PCDH11X: variants seen among roughly 807,000 people sequenced by gnomAD.
PCDH11X encodes protocadherin 11 X-linked, also known as protocadherin-11 X-linked.
Under a neutral mutation model 53.3 loss-of-function variants are expected in PCDH11X, and 18 were observed. The observed-to-expected ratio is 0.34, with a 90% CI of 0.23 to 0.50. The LOEUF (loss-of-function observed/expected upper bound fraction) is 0.50. Among genes scored for constraint, PCDH11X ranks in the 20% least tolerant of loss-of-function variants. PCDH11X has a pLI of 0.98. For synonymous variants in PCDH11X, 279 were observed against 393.3 expected (o/e 0.71, Z 3.44); for missense variants, 570 against 1,032.4 (o/e 0.55, Z 6.14).
At chrX:92,279,672 C>G (rs2068203982) in intron 8 of PCDH11X, among the ~76,000 whole-genome samples, 2 of 112,131 alleles carry the variant, frequency 1.8e-5, no homozygotes, top group African/African-American at 6.5e-5. Context: ...TTTTACTTGC[C>G]AATATATTTA....
intron 10 of PCDH11X, among the ~76,000 whole-genome samples, chrX:92,611,676 CT>C (rs1306295973): frequency 1.9e-5 from 2 of 102,831 alleles, no homozygotes; most frequent in Admixed American, 2.2e-4. Flanking sequence ...CAAAAGAATG[CT>C]TCTAGTTTTT....
chrX:92,132,119 A>C (rs1223184741), intron 6 of PCDH11X, among the ~76,000 whole-genome samples: 2 of 93,735 alleles, frequency 2.1e-5, no homozygotes, highest in African/African-American at 7.7e-5. Context: ...TAAAAATACA[A>C]AAAAAAAAAA....
In PCDH11X at chrX:92,501,878, G is replaced by A. The variant is rs1195578076; in HGVS notation, c.3367+33556G>A. ...TGGAAGTTCTGGCCAGGGCAATCAGGCAAGAGAAAGAGATAAAGAGTATTC... is the reference window on the plus strand; with the variant it reads ...TGGAAGTTCTGGCCAGGGCAATCAGACAAGAGAAAGAGATAAAGAGTATTC... On this transcript the variant is annotated intron_variant, in intron 10 of 10. Coordinates refer to ENST00000682573, the MANE Select transcript of PCDH11X (RefSeq NM_032968.5). Among the ~76,000 whole-genome samples the A allele has an allele frequency of 3.6e-5, 4 of 110,978 alleles. No homozygotes were observed. In the East Asian group the frequency reaches 1.1e-3, roughly 32 times the overall value.
intron 8 of PCDH11X, among the ~76,000 whole-genome samples, chrX:92,314,457 C>T (rs1447640787): frequency 9.0e-6 from 1 of 111,422 alleles, no homozygotes; most frequent in Non-Finnish European, 1.9e-5. Context: ...AGTAGGAGTA[C>T]ACTCTAAAAT....
At chrX:92,275,453 G>A (rs2068065286) in intron 8 of PCDH11X, among the ~76,000 whole-genome samples, 1 of 111,225 alleles carries the variant, frequency 9.0e-6, no homozygotes, top group African/African-American at 3.3e-5. Flanking sequence ...TACAGCCCAG[G>A]TAATTTGCTG....
At chrX:92,175,776 G>GTGTGTGTGTGTGTGTA (rs779454685) in intron 6 of PCDH11X, among the ~76,000 whole-genome samples, 1 of 79,274 alleles carries the variant, frequency 1.3e-5, no homozygotes, top group Non-Finnish European at 2.5e-5. Flanking sequence ...GTGTGTGTGT[G>GTGTGTGTGTGTGTGTA]TATATATATA....
rs1459039469 is a variant in PCDH11X, at chrX:92,606,180, G to A, written c.3368-12084G>A. On this transcript the variant is annotated intron_variant, in intron 10 of 10. Transcript: ENST00000682573. ...CAGGAGGCAGAGGTTGCAGTGAGCC[G>A]GAGATCGTGCCATTGCACTCCAGCC... is the stretch of plus-strand genomic sequence containing the variant. Among the ~76,000 whole-genome samples the A allele has an allele frequency of 1.6e-4, 14 of 87,493 alleles. 1 individual carries two copies. The Admixed American group carries it at 1.9e-3, about 12-fold the overall frequency. 76.0% of individuals were successfully genotyped at this position (87,493 alleles called of 115,157 possible). A position where few individuals can be genotyped will look rare whatever the true frequency, so the allele number is the denominator to read the frequency against.
chrX:92,333,892 T>C (rs1396055961), intron 8 of PCDH11X, among the ~76,000 whole-genome samples: 1 of 108,979 alleles, frequency 9.2e-6, no homozygotes, highest in East Asian at 2.9e-4. Context: ...GGATCTACTT[T>C]AACTTTGTGC....
At chrX:92,103,389 G>T (rs1427328377) in intron 6 of PCDH11X, among the ~76,000 whole-genome samples, 1 of 111,126 alleles carries the variant, frequency 9.0e-6, no homozygotes, top group Non-Finnish European at 1.9e-5. Context: ...GTAATGTGGA[G>T]TGGGTAGCCT....
At chrX:92,509,256 TG>T (rs1025776625) in intron 10 of PCDH11X, among the ~76,000 whole-genome samples, 5 of 110,802 alleles carry the variant, frequency 4.5e-5, no homozygotes, top group African/African-American at 1.6e-4. Context: ...AATGATGGGA[TG>T]GAAATTTTCA....
intron 7 of PCDH11X, among the ~76,000 whole-genome samples, chrX:92,229,708 T>C (rs1256233509): frequency 9.0e-6 from 1 of 111,665 alleles, no homozygotes; most frequent in African/African-American, 3.2e-5. Flanking sequence ...ATTCAGGCCA[T>C]TGACAAGTCT....
chrX:91,974,031 C>G (rs914006343), intron 6 of PCDH11X, among the ~76,000 whole-genome samples: 13 of 111,490 alleles, frequency 1.2e-4, no homozygotes, highest in African/African-American at 3.6e-4. Context: ...GTTCTTTATT[C>G]TGTTTTACAG....
intron 7 of PCDH11X, among the ~76,000 whole-genome samples, chrX:92,262,322 C>T (rs1042827369): frequency 7.2e-5 from 8 of 111,192 alleles, no homozygotes; most frequent in Non-Finnish European, 9.5e-5. Flanking sequence ...ATAAAGATTG[C>T]GGAGAACAGA....
intron 9 of PCDH11X, among the ~76,000 whole-genome samples, chrX:92,393,504 A>G (rs2071178024): frequency 9.0e-6 from 1 of 111,029 alleles, no homozygotes; most frequent in African/African-American, 3.3e-5. Context: ...TATAGGACAT[A>G]TGCCTGCTCT....
intron 8 of PCDH11X, among the ~76,000 whole-genome samples, chrX:92,319,414 A>T (rs2069150194): frequency 8.9e-6 from 1 of 112,750 alleles, no homozygotes; most frequent in Admixed American, 9.4e-5. Context: ...AAGAGAACAA[A>T]AGATAAAATT....
At chrX:92,404,659 A>G (rs2071469038) in intron 9 of PCDH11X, among the ~76,000 whole-genome samples, 1 of 105,907 alleles carries the variant, frequency 9.4e-6, no homozygotes, top group South Asian at 4.5e-4. Flanking sequence ...TTTTCTGAAA[A>G]GAGAATTTTG....
chrX:92,386,451 A>G (rs2148571713), intron 8 of PCDH11X, among the ~76,000 whole-genome samples: 1 of 109,350 alleles, frequency 9.1e-6, no homozygotes, highest in South Asian at 3.9e-4. Context: ...ATCTATTGTT[A>G]CATAGCAAAC....
chrX:92,035,327 G>A (rs1210138967), intron 6 of PCDH11X, among the ~76,000 whole-genome samples: 2 of 111,476 alleles, frequency 1.8e-5, no homozygotes, highest in Non-Finnish European at 3.8e-5. Flanking sequence ...CACGTATCTG[G>A]TGTTTATGAA....
At chrX:92,232,040 T>C (rs999113986) in intron 7 of PCDH11X, among the ~76,000 whole-genome samples, 1 of 112,148 alleles carries the variant, frequency 8.9e-6, no homozygotes, top group Non-Finnish European at 1.9e-5. Context: ...CTCCAAATGT[T>C]ATATCAGTTT....
Sources: allele counts gnomAD v4.1 joint callset (sites outside exome capture counted in the v4.1 genomes callset), GRCh38; gene constraint gnomAD v4.1.1; transcripts MANE v1.5; gene names NCBI Gene and HGNC (gene_info 2026-07-23, HGNC 2026-07-21).